SHCBP1: variants seen among roughly 807,000 people sequenced by gnomAD.
The protein encoded by SHCBP1 is SHC binding and spindle associated 1.
SHCBP1 carries 60 observed loss-of-function variants against 75.1 expected under a neutral mutation model. The ratio of observed to expected loss-of-function variants is 0.80; its 90% CI spans 0.65 to 0.99. The LOEUF is 0.99. Among genes scored for constraint, SHCBP1 ranks in the 50% least tolerant of loss-of-function variants. The pLI, the probability that SHCBP1 is intolerant of heterozygous loss-of-function variation, is 0.00. For synonymous variants in SHCBP1, 290 were observed against 293.2 expected (o/e 0.99, Z 0.11); for missense variants, 709 against 809.4 (o/e 0.88, Z 1.50).
chr16:46,599,298 T>C (rs1349254269), intron 9 of SHCBP1, among the ~76,000 whole-genome samples: 1 of 152,164 alleles, frequency 6.6e-6, no homozygotes, highest in African/African-American at 2.4e-5. Flanking sequence ...ATGAGAGACA[T>C]GTGACTCTTC....
At chr16:46,613,896 C>G (rs1965456537) in intron 4 of SHCBP1, among the ~76,000 whole-genome samples, 2 of 152,278 alleles carry the variant, frequency 1.3e-5, no homozygotes, top group Middle Eastern at 3.4e-3. Context: ...GGGCACTGAT[C>G]CAAATCTCAG....
In SHCBP1 at chr16:46,599,887, T is replaced by C; in HGVS notation, c.1289A>G (p.Asp430Gly). ...GDTFVDCTGA[D>G]IKISGIKFVQ... ...AAATTTTATGCCTGAGATTTTAATATCAGCACCAGTGCAGTCCACAAAAGT... is the reference window on the plus strand; with the variant it reads ...AAATTTTATGCCTGAGATTTTAATACCAGCACCAGTGCAGTCCACAAAAGT... Residue 430 changes from aspartate to glycine, a missense_variant, in exon 9 of 13, where the codon GAT (aspartate) becomes GGT (glycine). Physicochemically the swap from Asp to Gly is moderately conservative, Grantham distance 94. Transcript: ENST00000303383. The C allele has an allele frequency of 6.2e-7, 1 of 1,612,696 alleles. No individual in the cohort carries two copies. The highest frequency in any genetic ancestry group is 8.5e-7 in the Non-Finnish European group (1 of 1,179,652).
chr16:46,602,472 C>T (rs947026511), intron 8 of SHCBP1, among the ~76,000 whole-genome samples: 3 of 152,106 alleles, frequency 2.0e-5, no homozygotes, highest in African/African-American at 4.8e-5. Flanking sequence ...TGATTTTTTG[C>T]ATTACAAGCT....
chr16:46,593,087 C>G (rs1965076862), intron 10 of SHCBP1, among the ~76,000 whole-genome samples: 1 of 150,422 alleles, frequency 6.6e-6, no homozygotes. Flanking sequence ...GTAAGGATGT[C>G]TGCTTTCATA....
At chr16:46,601,330 C>T (rs151298210) in intron 8 of SHCBP1, among the ~76,000 whole-genome samples, 30 of 152,162 alleles carry the variant, frequency 2.0e-4, no homozygotes, top group Non-Finnish European at 4.0e-4. Context: ...AACAAAAAAA[C>T]CATCAGATCT....
At position 46,595,648 on chromosome 16, in the gene SHCBP1, C is replaced by T. The variant is rs1214934816; in HGVS notation, c.1368G>A (p.Thr456=). Reference sequence around the variant, plus strand: ...CACACTGCAGCACACAGTTTTCCAGCGTAGTCTTACCACGGTGAACAACTG... The same window carrying T: ...CACACTGCAGCACACAGTTTTCCAGTGTAGTCTTACCACGGTGAACAACTG... ...GILIVHRGKT[T]LENCVLQCET... is the part of the protein sequence containing the mutation. The change falls in exon 10 of 13, where the codon ACG becomes ACA. Residue 456 remains threonine (T), a synonymous_variant. Transcript: ENST00000303383. 5.0e-6 allele frequency: 8 copies of T among 1,613,890 alleles called. No individual in the cohort carries two copies. The highest frequency in any genetic ancestry group is 4.0e-5 in the African/African-American group (3 of 74,940).
chr16:46,599,686 A>AC (rs1965199213), intron 9 of SHCBP1, 145 bp downstream of exon 9: 4 of 350,160 alleles, frequency 1.1e-5, no homozygotes, highest in African/African-American at 6.5e-5. Context: ...AAAAAAAAAA[A>AC]AAAAAACTCA....
At chr16:46,598,066 T>C (rs1965171207) in intron 9 of SHCBP1, among the ~76,000 whole-genome samples, 1 of 152,192 alleles carries the variant, frequency 6.6e-6, no homozygotes, top group African/African-American at 2.4e-5. Flanking sequence ...TTCCACCACA[T>C]CTGCAGTTAC....
Position 46,618,463 on chromosome 16 carries a change from A to C in SHCBP1, c.104-91T>G, listed in dbSNP as rs1375524050. On this transcript the variant is annotated intron_variant, in intron 1 of 12. Transcript: ENST00000303383. ...CTTGCATAGAAATCCCAAACAAAATACAAACAAGAATTTGAATATGAATAG... is the reference window on the plus strand; with the variant it reads ...CTTGCATAGAAATCCCAAACAAAATCCAAACAAGAATTTGAATATGAATAG... 3 of 1,345,176 alleles carry C rather than the reference A, an allele frequency of 2.2e-6. No homozygotes were observed. In the East Asian group the frequency reaches 7.8e-5, roughly 35 times the overall value. 83.3% of individuals were successfully genotyped at this position (1,345,176 alleles called of 1,614,324 possible). A position where few individuals can be genotyped will look rare whatever the true frequency, so the allele number is the denominator to read the frequency against.
rs1254145821 is a variant in SHCBP1 at position 46,595,683 on chromosome 16, T to C, written c.1346-13A>G. 6.3e-7 allele frequency: 1 copy of C among 1,592,806 alleles called. No individual in the cohort carries two copies. Among genetic ancestry groups the C allele is most frequent in the South Asian group, 1.1e-5 (1 of 90,468 alleles). On this transcript the variant is annotated splice_polypyrimidine_tract_variant and intron_variant, in intron 9 of 12. Transcript: ENST00000303383. Reference sequence around the variant, plus strand: ...CCACGGTGAACAACTGGGATGAAAATACACGCTGACTGTTTTAAGAAGTAA... The same window carrying C: ...CCACGGTGAACAACTGGGATGAAAACACACGCTGACTGTTTTAAGAAGTAA...
At chr16:46,613,386 T>G (rs1255316028) in intron 4 of SHCBP1, among the ~76,000 whole-genome samples, 3 of 152,202 alleles carry the variant, frequency 2.0e-5, no homozygotes, top group Non-Finnish European at 4.4e-5. Flanking sequence ...ATAAAAATCC[T>G]TCAGTGGCTT....
rs574771448 is a variant in SHCBP1 at position 46,596,730 on chromosome 16, CT to C, written c.1346-1061del. 2.9e-3 allele frequency among the ~76,000 whole-genome samples: 401 copies of C among 139,678 alleles called. 3 individuals carry two copies. In the South Asian group the frequency reaches 0.039, roughly 14 times the overall value. The allele number at this position is 139,678 out of a possible 152,430, so 91.6% of individuals were successfully genotyped here. A position where few individuals can be genotyped will look rare whatever the true frequency, so the allele number is the denominator to read the frequency against. ...ACTGCGCCCAGCCTAAATGAGTAAACTTTTTTTTTTTTTTGGAGACGGAGCC... is the reference window on the plus strand; with the variant it reads ...ACTGCGCCCAGCCTAAATGAGTAAACTTTTTTTTTTTTTGGAGACGGAGCC... On this transcript the variant is annotated intron_variant, in intron 9 of 12. Coordinates refer to ENST00000303383, the MANE Select transcript of SHCBP1 (RefSeq NM_024745.5).
chr16:46,610,431 C>T (rs548944944), intron 4 of SHCBP1, among the ~76,000 whole-genome samples: 1 of 151,658 alleles, frequency 6.6e-6, no homozygotes, highest in East Asian at 1.9e-4. Flanking sequence ...TTGACTGACA[C>T]ATTTCTTAAA....
chr16:46,598,408 T>C (rs1965176745), intron 9 of SHCBP1, among the ~76,000 whole-genome samples: 1 of 152,196 alleles, frequency 6.6e-6, no homozygotes, highest in African/African-American at 2.4e-5. Context: ...TACACCTCCA[T>C]CATAGCTCTC....
chr16:46,587,810 G>A (rs548334238), intron 10 of SHCBP1, among the ~76,000 whole-genome samples: 12 of 152,076 alleles, frequency 7.9e-5, no homozygotes, highest in East Asian at 7.7e-4. Flanking sequence ...TGCACCAAGC[G>A]GACCTAATAG....
intron 9 of SHCBP1, among the ~76,000 whole-genome samples, chr16:46,598,238 C>T (rs1377274809): frequency 6.6e-6 from 1 of 152,180 alleles, no homozygotes; most frequent in Non-Finnish European, 1.5e-5. Context: ...TTTCAATTGA[C>T]TTTGCCCAGA....
Position 46,579,395 on chromosome 16 carries a change from T to C in SHCBP1, c.*2334A>G, listed in dbSNP as rs943657700. On this transcript the variant is annotated 3_prime_UTR_variant, in exon 13 of 13. Coordinates refer to ENST00000303383, the MANE Select transcript of SHCBP1 (RefSeq NM_024745.5). ...GGCCTACTCATTATAATGAATCATG[T>C]GAATAAAAATTAATATAAGCTTAGA... Among the ~76,000 whole-genome samples the C allele has an allele frequency of 1.3e-5, 2 of 152,160 alleles. No individual in the cohort carries two copies. The highest frequency in any genetic ancestry group is 2.9e-5 in the Non-Finnish European group (2 of 68,040).
At chr16:46,584,957 C>T (rs1964934314) in intron 10 of SHCBP1, among the ~76,000 whole-genome samples, 1 of 152,150 alleles carries the variant, frequency 6.6e-6, no homozygotes, top group South Asian at 2.1e-4. Context: ...TTTATTATTA[C>T]TTAACCCTGT....
Position 46,583,991 on chromosome 16 carries a change from G to A in SHCBP1, c.1551+12C>T, listed in dbSNP as rs1303162950. The stretch of plus-strand genomic sequence containing the variant: ...TATCCATTGAAAAGTGGGTGTTTTG[G>A]CTGATGCTCACCTTAATGAGGATCC... On this transcript the variant is annotated intron_variant, in intron 11 of 12. Coordinates refer to ENST00000303383, the MANE Select transcript of SHCBP1 (RefSeq NM_024745.5). 4 of 1,596,138 alleles carry A rather than the reference G, an allele frequency of 2.5e-6. No homozygotes were observed. Among genetic ancestry groups the A allele is most frequent in the South Asian group, 1.1e-5 (1 of 88,376 alleles).
Sources: allele counts gnomAD v4.1 joint callset (sites outside exome capture counted in the v4.1 genomes callset), GRCh38; gene constraint gnomAD v4.1.1; transcripts MANE v1.5; gene names NCBI Gene and HGNC (gene_info 2026-07-23, HGNC 2026-07-21).